Variants in ETAA1 observed in about 807,000 individuals in gnomAD.
ETAA1 encodes ewing's tumor-associated antigen 1.
Under a neutral mutation model 76.8 loss-of-function variants are expected in ETAA1, and 49 were observed. That is an observed-to-expected ratio of 0.64 (90% CI 0.51 to 0.81). The LOEUF (loss-of-function observed/expected upper bound fraction) is 0.81, where lower values mean the gene tolerates loss of function less well. Ranked by LOEUF, ETAA1 falls within the 30% of genes least tolerant of loss-of-function variation. The pLI is 0.00. For synonymous variants in ETAA1, 373 were observed against 372.2 expected, an observed-to-expected ratio of 1.00 and a Z score of -0.03; for missense variants, 1,099 against 1,074.0, an observed-to-expected ratio of 1.02 and a Z score of -0.32.
chr2:67,403,866 A>C lies in ETAA1; in HGVS notation c.1184A>C (p.Gln395Pro). ...NLLGSEPFAMQNIDMPELFPS... is the reference protein window; with the variant it reads ...NLLGSEPFAMPNIDMPELFPS... ...CTAGGTAGTGAACCTTTTGCTATGC[A>C]AAATATCGACATGCCTGAACTCTTT... Residue 395 changes from glutamine (Q) to proline (P), a missense_variant, in exon 5 of 6, where the codon CAA (glutamine) becomes CCA (proline). Gln to Pro is a moderately conservative substitution (Grantham distance 76, BLOSUM62 -1). This residue lies in a region of ETAA1 where 761 missense variants were observed against 731.9 expected (regional missense o/e 1.04). Transcript: ENST00000272342. 3.7e-6 allele frequency: 6 copies of C among 1,613,192 alleles called. No homozygotes were observed. The highest frequency in any genetic ancestry group is 5.1e-6 in the Non-Finnish European group (6 of 1,179,490).
At position 67,397,362 on chromosome 2, in the gene ETAA1, C is replaced by G. The variant is rs975786207; in HGVS notation, c.-87C>G. 2.2e-6 allele frequency: 3 copies of G among 1,368,106 alleles called. No individual in the cohort carries two copies. Among genetic ancestry groups the G allele is most frequent in the Non-Finnish European group, 3.0e-6 (3 of 983,718 alleles). 84.7% of individuals were successfully genotyped at this position (1,368,106 alleles called of 1,614,324 possible). A position where few individuals can be genotyped will look rare whatever the true frequency, so the allele number is the denominator to read the frequency against. ...ACCAAAATGGCGGCTGCCGTTGGTG[C>G]GGGGTGCGGTTTGTAGTGCTGTTGC... On this transcript the variant is annotated 5_prime_UTR_variant, in exon 1 of 6. Coordinates refer to ENST00000272342, the MANE Select transcript of ETAA1 (RefSeq NM_019002.4).
intron 1 of ETAA1, among the ~76,000 whole-genome samples, chr2:67,398,844 C>T (rs752595399): frequency 9.2e-5 from 14 of 152,048 alleles, no homozygotes; most frequent in Non-Finnish European, 1.9e-4. Context: ...TTGAATGTAC[C>T]TATAAATTAC....
At chr2:67,407,268 C>T (rs1470137266) in intron 5 of ETAA1, among the ~76,000 whole-genome samples, 2 of 143,708 alleles carry the variant, frequency 1.4e-5, no homozygotes, top group East Asian at 4.0e-4. Flanking sequence ...AAAAAAAAAT[C>T]ACAAAAGAAT....
chr2:67,408,275 GT>G (rs1676272151), intron 5 of ETAA1, among the ~76,000 whole-genome samples: 1 of 152,076 alleles, frequency 6.6e-6, no homozygotes, highest in South Asian at 2.1e-4. Flanking sequence ...CCTGCAGCTT[GT>G]TTATGTATAG....
Position 67,403,991 on chromosome 2 carries a change from A to G in ETAA1, c.1309A>G (p.Arg437Gly), listed in dbSNP as rs1676130154. ...AAGAGCAAATACAAGTCCAGATGCC[A>G]GGTTAGGAGATTCAAAAGTATTACA... ...TSRANTSPDA[R>G]LGDSKVLQDL... is the part of the protein sequence containing the mutation. Residue 437 changes from arginine (R) to glycine (G), a missense_variant, in exon 5 of 6, where the codon AGG becomes GGG. By Grantham distance (125) the Arg-to-Gly change is moderately radical. Transcript: ENST00000272342. 3.1e-6 allele frequency: 5 copies of G among 1,607,362 alleles called. No homozygotes were observed. Among genetic ancestry groups the G allele is most frequent in the East Asian group, 2.2e-5 (1 of 44,808 alleles).
At chr2:67,406,774 TAATA>T (rs1269781186) in intron 5 of ETAA1, among the ~76,000 whole-genome samples, 3 of 152,066 alleles carry the variant, frequency 2.0e-5, no homozygotes, top group Non-Finnish European at 1.5e-5. Context: ...ATTTAAATAT[TAATA>T]AATCTGTATA....
intron 1 of ETAA1, 149 bp from the exon 2 acceptor site, chr2:67,399,020 A>G (rs1004905206): frequency 2.9e-6 from 2 of 681,490 alleles, no homozygotes; most frequent in East Asian, 2.8e-5. Context: ...TGAAACAAGC[A>G]TTTCTGTTAC....
At position 67,405,189 on chromosome 2, in the gene ETAA1, A is replaced by G; in HGVS notation, c.2507A>G (p.Asn836Ser). The stretch of plus-strand genomic sequence containing the variant: ...AATTCTCAGATTCTTTCTCAGTTTA[A>G]TCAAAATTGTATAACTGGAAGTATG... Reference protein sequence around the residue: ...MKNSQILSQFNQNCITGSMSD... With the variant: ...MKNSQILSQFSQNCITGSMSD... Residue 836 changes from asparagine (N) to serine (S), a missense_variant, in exon 5 of 6, where the codon AAT (asparagine) becomes AGT (serine). By Grantham distance (46) the Asn-to-Ser change is conservative. This residue lies in a region of ETAA1 where 302 missense variants were observed against 278.1 expected (regional missense o/e 1.09). Coordinates refer to ENST00000272342, the MANE Select transcript of ETAA1 (RefSeq NM_019002.4). 3 of 1,612,676 alleles carry G rather than the reference A, an allele frequency of 1.9e-6. No individual in the cohort carries two copies. The highest frequency in any genetic ancestry group is 2.5e-6 in the Non-Finnish European group (3 of 1,179,204).
rs148395449 is a variant in ETAA1 at position 67,403,963 on chromosome 2, G to T, written c.1281G>T (p.Thr427=). The change falls in exon 5 of 6, where the codon ACG becomes ACT. Residue 427 remains threonine (T), a synonymous_variant. Coordinates refer to ENST00000272342, the MANE Select transcript of ETAA1 (RefSeq NM_019002.4). The stretch of plus-strand genomic sequence containing the variant: ...TTAATAGTAAAACTGTTAAAAATAC[G>T]TCAAGAGCAAATACAAGTCCAGATG... ...CTFNSKTVKN[T]SRANTSPDAR... is the part of the protein sequence containing the mutation. 1.8e-4 allele frequency: 291 copies of T among 1,608,862 alleles called. 1 individual carries two copies. Among genetic ancestry groups the T allele is most frequent in the Middle Eastern group, 1.7e-3 (10 of 6,004 alleles).
In ETAA1 at chr2:67,403,571, T is replaced by G. The variant is rs1420645594; in HGVS notation, c.889T>G (p.Leu297Val). 1 of 1,613,264 alleles carries G rather than the reference T, an allele frequency of 6.2e-7. No individual in the cohort carries two copies. Among genetic ancestry groups the G allele is most frequent in the East Asian group, 2.2e-5 (1 of 44,876 alleles). The change falls in exon 5 of 6, where the codon TTA becomes GTA. Residue 297 changes from leucine to valine, a missense_variant. By Grantham distance (32) the Leu-to-Val change is conservative. Coordinates refer to ENST00000272342, the MANE Select transcript of ETAA1 (RefSeq NM_019002.4). ...TTCTACTCAGAAATGTAGCGGACAG[T>G]TAAGCCAAGAACTGCCAGAGGCTTT... ...DGSTQKCSGQ[L>V]SQELPEAFWS...
chr2:67,398,428 C>G (rs983553439), intron 1 of ETAA1, among the ~76,000 whole-genome samples: 1 of 151,564 alleles, frequency 6.6e-6, no homozygotes, highest in Non-Finnish European at 1.5e-5. Flanking sequence ...CTCCGCCTCC[C>G]GGGTTCAAGC....
At position 67,403,550 on chromosome 2, in the gene ETAA1, A is replaced by G. The variant is rs764034380; in HGVS notation, c.868A>G (p.Thr290Ala). ...AAFNAIFDGS[T>A]QKCSGQLSQE... is the part of the protein sequence containing the mutation. ...CTTTAATGCTATTTTTGATGGTTCT[A>G]CTCAGAAATGTAGCGGACAGTTAAG... The change falls in exon 5 of 6, where the codon ACT (threonine) becomes GCT (alanine). Residue 290 changes from threonine to alanine, a missense_variant. This residue lies in a region of ETAA1 where 761 missense variants were observed against 731.9 expected (regional missense o/e 1.04). Transcript: ENST00000272342. 2 of 1,613,508 alleles carry G rather than the reference A, an allele frequency of 1.2e-6. No homozygotes were observed. Among genetic ancestry groups the G allele is most frequent in the East Asian group, 2.2e-5 (1 of 44,862 alleles).
intron 3 of ETAA1, chr2:67,402,320 A>C (rs62154958): frequency 0.068 from 10,333 of 151,836 alleles, 449 homozygotes; most frequent in Middle Eastern, 0.13. Flanking sequence ...CTTATCTCTT[A>C]ATTCATTCCT....
chr2:67,401,724 C>T (rs1172068989), intron 3 of ETAA1: 2 of 151,678 alleles, frequency 1.3e-5, no homozygotes, highest in Non-Finnish European at 3.0e-5. Context: ...TGGCAGAGTT[C>T]ATAATTAAGA....
In ETAA1 at chr2:67,404,625, A is replaced by G; in HGVS notation, c.1943A>G (p.Lys648Arg). The G allele has an allele frequency of 6.2e-7, 1 of 1,613,362 alleles. No individual in the cohort carries two copies. The highest frequency in any genetic ancestry group is 8.5e-7 in the Non-Finnish European group (1 of 1,179,570). Residue 648 changes from lysine (K) to arginine (R), a missense_variant, in exon 5 of 6, where the codon AAA becomes AGA. Lys to Arg is a conservative substitution (Grantham distance 26). Transcript: ENST00000272342. ...AATAATAATTCCGAACATGGAGCCA[A>G]ACTAACTCAGCAACAAGACATTAGA... is the stretch of plus-strand genomic sequence containing the variant. ...EINNNSEHGA[K>R]LTQQQDIRKD...
intron 1 of ETAA1, among the ~76,000 whole-genome samples, chr2:67,398,154 C>T (rs1675939241): frequency 6.6e-6 from 1 of 152,146 alleles, no homozygotes; most frequent in Non-Finnish European, 1.5e-5. Flanking sequence ...CCGGAAGTTC[C>T]TGTGTGTAAC....
At chr2:67,402,800 T>C in intron 3 of ETAA1, 62 bp from the exon 4 acceptor site, 1 of 1,088,056 alleles carries the variant, frequency 9.2e-7, no homozygotes, top group Non-Finnish European at 1.3e-6. Context: ...CTTTTGTTTT[T>C]TTGGAAGACG....
Position 67,410,464 on chromosome 2 carries a change from C to T in ETAA1, c.*426C>T, listed in dbSNP as rs1220158269. The T allele has an allele frequency of 6.5e-6, 1 of 153,052 alleles. No homozygotes were observed. The highest frequency in any genetic ancestry group is 1.9e-4 in the East Asian group (1 of 5,224). 9.5% of individuals were successfully genotyped at this position (153,052 alleles called of 1,614,324 possible). A position where few individuals can be genotyped will look rare whatever the true frequency, so the allele number is the denominator to read the frequency against. On this transcript the variant is annotated 3_prime_UTR_variant, in exon 6 of 6. Transcript: ENST00000272342. ...TTAACTGTTGCTTAAGGTTTTTATACACTTCCAGATTTTAATTAATACTTT... is the reference window on the plus strand; with the variant it reads ...TTAACTGTTGCTTAAGGTTTTTATATACTTCCAGATTTTAATTAATACTTT...
At position 67,404,472 on chromosome 2, in the gene ETAA1, A is replaced by G; in HGVS notation, c.1790A>G (p.Asp597Gly). ...NEIIKACHQL[D>G]NTWEADDVDD... The stretch of plus-strand genomic sequence containing the variant: ...ATTATTAAAGCATGTCATCAATTAG[A>G]TAATACCTGGGAAGCAGATGATGTA... Residue 597 changes from aspartate to glycine, a missense_variant, in exon 5 of 6, where the codon GAT becomes GGT. Physicochemically the swap from Asp to Gly is moderately conservative, Grantham distance 94. Coordinates refer to ENST00000272342, the MANE Select transcript of ETAA1 (RefSeq NM_019002.4). 1 of 1,613,316 alleles carries G rather than the reference A, an allele frequency of 6.2e-7. No individual in the cohort carries two copies. The highest frequency in any genetic ancestry group is 2.2e-5 in the East Asian group (1 of 44,814).
Sources: gnomAD v4.1 joint callset for allele counts (sites outside exome capture counted in the v4.1 genomes callset) on GRCh38, gnomAD v4.1.1 for gene constraint, gnomAD v4.1.1 regional missense constraint, MANE v1.5 for transcripts, NCBI Gene and HGNC (gene_info 2026-07-23, HGNC 2026-07-21) for gene names.